Variants in AGBL4 observed in about 807,000 individuals in gnomAD.
AGBL4 encodes cytosolic carboxypeptidase 6.
A neutral mutation model predicts 66.4 loss-of-function variants in AGBL4; 58 were observed. The observed-to-expected ratio is 0.87, with a 90% CI of 0.71 to 1.09. AGBL4 has a LOEUF of 1.09. Ranked by LOEUF, AGBL4 falls within the 50% of genes least tolerant of loss-of-function variation. AGBL4 has a pLI of 0.00. For missense variants in AGBL4, 579 were observed against 631.0 expected (o/e 0.92, Z 0.88); for synonymous variants, 234 against 222.9 (o/e 1.05, Z -0.44).
chr1:48,765,025 T>G (rs899228978), intron 6 of AGBL4, among the ~76,000 whole-genome samples: 5 of 152,176 alleles, frequency 3.3e-5, no homozygotes, highest in Non-Finnish European at 7.3e-5. Flanking sequence ...TCCATCTAAT[T>G]AGAATGCCCT....
intron 6 of AGBL4, among the ~76,000 whole-genome samples, chr1:48,797,037 A>G (rs928524233): frequency 1.3e-5 from 2 of 152,202 alleles, no homozygotes; most frequent in Non-Finnish European, 2.9e-5. Context: ...AGTCTTGAAG[A>G]CTTAAACCTG....
At chr1:49,427,566 G>A (rs1448620855) in intron 3 of AGBL4, among the ~76,000 whole-genome samples, 2 of 152,134 alleles carry the variant, frequency 1.3e-5, no homozygotes, top group African/African-American at 4.8e-5. Flanking sequence ...TCCAGAGTTT[G>A]TTCCTTCAGA....
intron 3 of AGBL4, among the ~76,000 whole-genome samples, chr1:49,295,076 A>G (rs1422363153): frequency 6.6e-6 from 1 of 152,328 alleles, no homozygotes; most frequent in East Asian, 1.9e-4. Context: ...TAGAACTATT[A>G]TTCATTCCAG....
At chr1:48,822,679 A>G (rs1646342367) in intron 6 of AGBL4, among the ~76,000 whole-genome samples, 1 of 152,244 alleles carries the variant, frequency 6.6e-6, no homozygotes, top group African/African-American at 2.4e-5. Flanking sequence ...CTCCAAATAA[A>G]CAAACAAACA....
chr1:49,348,448 G>T (rs2148516077), intron 3 of AGBL4, among the ~76,000 whole-genome samples: 1 of 152,096 alleles, frequency 6.6e-6, no homozygotes, highest in East Asian at 1.9e-4. Flanking sequence ...TAAAAAAAAG[G>T]AAGACAGACG....
intron 5 of AGBL4, among the ~76,000 whole-genome samples, chr1:48,997,262 A>G (rs887819414): frequency 1.3e-5 from 2 of 152,126 alleles, no homozygotes; most frequent in Non-Finnish European, 2.9e-5. Flanking sequence ...AGATAGGGAT[A>G]ATTTTAGTAA....
At chr1:49,314,849 A>G (rs891665137) in intron 3 of AGBL4, among the ~76,000 whole-genome samples, 3 of 152,150 alleles carry the variant, frequency 2.0e-5, no homozygotes, top group African/African-American at 7.2e-5. Flanking sequence ...TCCCACCAAC[A>G]GTGTAAAAGC....
At chr1:48,748,518 C>A (rs1032983000) in intron 6 of AGBL4, among the ~76,000 whole-genome samples, 2 of 152,166 alleles carry the variant, frequency 1.3e-5, no homozygotes, top group African/African-American at 4.8e-5. Flanking sequence ...GGAGGGGGTG[C>A]TGCCTCTGGA....
chr1:50,003,017 G>GA (rs1660879033), intron 1 of AGBL4, among the ~76,000 whole-genome samples: 1 of 152,128 alleles, frequency 6.6e-6, no homozygotes, highest in Non-Finnish European at 1.5e-5. Flanking sequence ...AGCTAACGTG[G>GA]AGGAAAATGA....
At chr1:48,908,121 T>G (rs901258138) in intron 5 of AGBL4, among the ~76,000 whole-genome samples, 1 of 152,208 alleles carries the variant, frequency 6.6e-6, no homozygotes, top group Non-Finnish European at 1.5e-5. Flanking sequence ...TCCCTGTTCC[T>G]TTTGGGAAGA....
intron 5 of AGBL4, among the ~76,000 whole-genome samples, chr1:48,883,634 G>A (rs939870509): frequency 6.6e-6 from 1 of 152,106 alleles, no homozygotes; most frequent in African/African-American, 2.4e-5. Context: ...TTCCTCACTG[G>A]ACTGTGAGAT....
chr1:49,522,003 C>T (rs961961846), intron 3 of AGBL4, among the ~76,000 whole-genome samples: 2 of 152,030 alleles, frequency 1.3e-5, no homozygotes, highest in African/African-American at 4.8e-5. Flanking sequence ...TACCCCAAAC[C>T]TCAGCATCAT....
At chr1:48,629,181 A>C (rs1645553336) in intron 9 of AGBL4, among the ~76,000 whole-genome samples, 1 of 152,186 alleles carries the variant, frequency 6.6e-6, no homozygotes, top group South Asian at 2.1e-4. Context: ...TGGGAAGCCC[A>C]TTCACATATG....
At chr1:49,411,549 C>G (rs529967411) in intron 3 of AGBL4, among the ~76,000 whole-genome samples, 2 of 152,176 alleles carry the variant, frequency 1.3e-5, no homozygotes, top group African/African-American at 4.8e-5. Flanking sequence ...GCATTTCAGA[C>G]AGATGACACA....
At chr1:49,066,410 G>T (rs1459807876) in intron 4 of AGBL4, among the ~76,000 whole-genome samples, 8 of 152,132 alleles carry the variant, frequency 5.3e-5, no homozygotes, top group Non-Finnish European at 1.0e-4. Context: ...AAATTAGCCA[G>T]GTGTGGTGGC....
At chr1:48,679,667 G>C (rs190769265) in intron 6 of AGBL4, among the ~76,000 whole-genome samples, 10 of 152,262 alleles carry the variant, frequency 6.6e-5, no homozygotes, top group African/African-American at 2.4e-4. Flanking sequence ...TGGCTAGCCA[G>C]TGGATAAGCC....
chr1:49,749,615 C>T (rs1190864069), intron 2 of AGBL4, among the ~76,000 whole-genome samples: 1 of 152,022 alleles, frequency 6.6e-6, no homozygotes, highest in Admixed American at 6.6e-5. Context: ...ATGGCACTAT[C>T]ATCAAAAAAT....
Position 49,564,152 on chromosome 1 carries a change from G to T in AGBL4, c.282+133161C>A, listed in dbSNP as rs1396767593. 2.0e-5 allele frequency among the ~76,000 whole-genome samples: 3 copies of T among 152,024 alleles called. No homozygotes were observed. In the East Asian group the frequency reaches 5.8e-4, roughly 29 times the overall value. On this transcript the variant is annotated intron_variant, in intron 3 of 13. Transcript: ENST00000371839. ...TTTGTATCTCTGTGGGATCGGTGGT[G>T]ATGTCCCCTTTGTCATTTTTTATTG...
At chr1:49,612,272 C>G (rs1177366187) in intron 3 of AGBL4, among the ~76,000 whole-genome samples, 2 of 152,142 alleles carry the variant, frequency 1.3e-5, no homozygotes, top group African/African-American at 2.4e-5. Context: ...AGGAAGCTCA[C>G]AGTCAAGCAA....
Sources: gnomAD v4.1 joint callset for allele counts (sites outside exome capture counted in the v4.1 genomes callset) on GRCh38, gnomAD v4.1.1 for gene constraint, MANE v1.5 for transcripts, NCBI Gene and HGNC (gene_info 2026-07-23, HGNC 2026-07-21) for gene names.